MAP7: variants seen among roughly 807,000 people sequenced by gnomAD.
MAP7 encodes the protein microtubule associated protein 7, also known as ensconsin.
A neutral mutation model predicts 94.8 loss-of-function variants in MAP7; 52 were observed. The observed-to-expected ratio is 0.55, with a 90% confidence interval of 0.44 to 0.69. The LOEUF (loss-of-function observed/expected upper bound fraction) is 0.69, where lower values mean the gene tolerates loss of function less well. Among genes scored for constraint, MAP7 ranks in the 30% least tolerant of loss-of-function variants. The probability of loss-of-function intolerance (pLI) is 0.00; values close to 1 mark genes in which losing one functional copy is unlikely to be tolerated. For synonymous variants in MAP7, 350 were observed against 357.0 expected (o/e 0.98, Z 0.22); for missense variants, 940 against 964.6 (o/e 0.97, Z 0.34).
At chr6:136,492,167 G>C (rs1023413229) in intron 1 of MAP7, among the ~76,000 whole-genome samples, 1 of 152,174 alleles carries the variant, frequency 6.6e-6, no homozygotes, top group African/African-American at 2.4e-5. Flanking sequence ...GCATTAGTTA[G>C]ATTCTCATAA....
intron 5 of MAP7, among the ~76,000 whole-genome samples, chr6:136,384,086 A>G (rs1353078688): frequency 6.6e-6 from 1 of 152,244 alleles, no homozygotes; most frequent in Non-Finnish European, 1.5e-5. Context: ...GTGGAGGCAC[A>G]CTATGAAGCA....
At chr6:136,414,860 G>A (rs1562374155) in intron 2 of MAP7, among the ~76,000 whole-genome samples, 3 of 151,066 alleles carry the variant, frequency 2.0e-5, no homozygotes. Flanking sequence ...TGCTGCCCAG[G>A]CTGGAGTGCA....
intron 1 of MAP7, among the ~76,000 whole-genome samples, chr6:136,453,359 C>A (rs1801773863): frequency 6.6e-6 from 1 of 152,198 alleles, no homozygotes. Context: ...CATCCTATGT[C>A]ATTAATTTAT....
At chr6:136,369,674 A>G (rs1174607393) in intron 8 of MAP7, among the ~76,000 whole-genome samples, 2 of 152,244 alleles carry the variant, frequency 1.3e-5, no homozygotes, top group Admixed American at 6.5e-5. Context: ...AAACAAGGAC[A>G]TTCTCTTCAA....
chr6:136,397,130 T>C (rs1032096615), intron 3 of MAP7, among the ~76,000 whole-genome samples: 1 of 152,176 alleles, frequency 6.6e-6, no homozygotes, highest in Non-Finnish European at 1.5e-5. Context: ...AAACAACACT[T>C]GCCAATTGCA....
At chr6:136,453,125 T>C (rs769765955) in intron 1 of MAP7, among the ~76,000 whole-genome samples, 49 of 152,228 alleles carry the variant, frequency 3.2e-4, no homozygotes, top group Non-Finnish European at 5.1e-4. Context: ...TAGTTTTCTT[T>C]TGTTAATCTG....
chr6:136,449,151 C>T lies in MAP7; in HGVS notation c.68-27352G>A, dbSNP rs1582944836. On this transcript the variant is annotated intron_variant, in intron 1 of 17. Transcript: ENST00000354570. ...CTCTACTAAAAATACAAAAATTAGCCGGGCATGGTGGCGGGCGCCTGTAGT... is the reference window on the plus strand; with the variant it reads ...CTCTACTAAAAATACAAAAATTAGCTGGGCATGGTGGCGGGCGCCTGTAGT... 2.6e-5 allele frequency among the ~76,000 whole-genome samples: 4 copies of T among 152,040 alleles called. No individual in the cohort carries two copies. In the East Asian group the frequency reaches 5.8e-4, roughly 22 times the overall value.
Position 136,357,170 on chromosome 6 carries a change from C to G in MAP7, c.1913-376G>C, listed in dbSNP as rs1791228665. The stretch of plus-strand genomic sequence containing the variant: ...ATCAAGCTGACACTGAATATCTTTA[C>G]AAAGGATTCAGAGCAAATCACCAAG... On this transcript the variant is annotated intron_variant, in intron 15 of 17. Transcript: ENST00000354570. 2.0e-5 allele frequency among the ~76,000 whole-genome samples: 3 copies of G among 152,098 alleles called. No individual in the cohort carries two copies. The South Asian group carries it at 6.2e-4, about 32-fold the overall frequency.
intron 2 of MAP7, chr6:136,420,348 C>T (rs533262035): frequency 7.1e-5 from 46 of 649,476 alleles, no homozygotes; most frequent in Middle Eastern, 3.2e-4. Context: ...GTGCCCAGCC[C>T]GGCCGCGAAG....
intron 1 of MAP7, among the ~76,000 whole-genome samples, chr6:136,472,917 G>C (rs1809541406): frequency 6.6e-6 from 1 of 151,866 alleles, no homozygotes; most frequent in Middle Eastern, 3.2e-3. Flanking sequence ...TATCTTCCAA[G>C]TGCCCACTAA....
At chr6:136,405,147 C>A (rs1022501665) in intron 3 of MAP7, among the ~76,000 whole-genome samples, 1 of 152,146 alleles carries the variant, frequency 6.6e-6, no homozygotes, top group African/African-American at 2.4e-5. Context: ...TAACATTAAA[C>A]AAACAGTTGC....
chr6:136,516,351 G>A (rs906407043), intron 1 of MAP7, among the ~76,000 whole-genome samples: 3 of 151,916 alleles, frequency 2.0e-5, no homozygotes, highest in South Asian at 2.1e-4. Context: ...TTGTAGAGAC[G>A]GGGTCTCTGT....
chr6:136,356,507 TAC>T (rs1285572278), intron 16 of MAP7, among the ~76,000 whole-genome samples, 183 bp downstream of exon 16: 1 of 148,932 alleles, frequency 6.7e-6, no homozygotes, highest in Non-Finnish European at 1.5e-5. Flanking sequence ...TCCTCACCAT[TAC>T]ATTTAATGAC....
chr6:136,436,448 T>C (rs994685617), intron 1 of MAP7, among the ~76,000 whole-genome samples: 34 of 152,072 alleles, frequency 2.2e-4, no homozygotes, highest in African/African-American at 8.0e-4. Context: ...GGTGTGATCA[T>C]AGCTTACTGC....
chr6:136,404,621 T>C (rs1254510142), intron 3 of MAP7, among the ~76,000 whole-genome samples: 2 of 152,200 alleles, frequency 1.3e-5, no homozygotes, highest in Non-Finnish European at 2.9e-5. Flanking sequence ...TTTTATAGAA[T>C]CCCCGAAAGT....
chr6:136,435,386 T>C lies in MAP7; in HGVS notation c.68-13587A>G, dbSNP rs1032305670. 1.2e-4 allele frequency among the ~76,000 whole-genome samples: 18 copies of C among 152,304 alleles called. No homozygotes were observed. In the Middle Eastern group the frequency reaches 0.01, roughly 87 times the overall value. On this transcript the variant is annotated intron_variant, in intron 1 of 17. Coordinates refer to ENST00000354570, the MANE Select transcript of MAP7 (RefSeq NM_003980.6). ...AGATAACCAGTCCTGTTTCCAGAAT[T>C]GTAGAGGAATCATTATCGGAAAGGA...
chr6:136,366,107 C>G, intron 9 of MAP7, 89 bp from the exon 10 acceptor site: 1 of 1,351,448 alleles, frequency 7.4e-7, no homozygotes, highest in East Asian at 2.4e-5. Context: ...GAAGAGAATG[C>G]AGATATTTAG....
chr6:136,538,083 A>C (rs781222918), intron 1 of MAP7, among the ~76,000 whole-genome samples: 1 of 152,204 alleles, frequency 6.6e-6, no homozygotes, highest in African/African-American at 2.4e-5. Context: ...TGCCTGGCTG[A>C]AATTTTTTAA....
intron 3 of MAP7, among the ~76,000 whole-genome samples, chr6:136,403,670 T>C (rs895336414): frequency 2.0e-5 from 3 of 152,218 alleles, no homozygotes; most frequent in Admixed American, 1.3e-4. Context: ...GGTTTTAAGA[T>C]TTTTTATCTT....
Sources: gnomAD v4.1 joint callset for allele counts (sites outside exome capture counted in the v4.1 genomes callset) on GRCh38, gnomAD v4.1.1 for gene constraint, MANE v1.5 for transcripts, NCBI Gene and HGNC (gene_info 2026-07-23, HGNC 2026-07-21) for gene names.